TNFSF4: variants seen among roughly 807,000 people sequenced by gnomAD.
TNFSF4 encodes TNF superfamily member 4, also known as tumor necrosis factor ligand superfamily member 4.
A neutral mutation model predicts 7.3 loss-of-function variants in TNFSF4; 4 were observed. The observed-to-expected ratio is 0.55, with a 90% CI of 0.27 to 1.25. The LOEUF (loss-of-function observed/expected upper bound fraction) is 1.25. Ranked by LOEUF, TNFSF4 falls within the 50% of genes most tolerant of loss-of-function variation. The pLI, the probability that TNFSF4 is intolerant of heterozygous loss-of-function variation, is 0.12. For missense variants in TNFSF4, 181 were observed against 208.8 expected (o/e 0.87, Z 0.82); for synonymous variants, 76 against 83.7 (o/e 0.91, Z 0.50).
chr1:173,379,898 G>A, the TNFSF4 span, among the ~76,000 whole-genome samples: 1 of 152,310 alleles, frequency 6.6e-6, no homozygotes, highest in Non-Finnish European at 1.5e-5. Context: ...AAGATGCACT[G>A]CCCCAGACTG....
At chr1:173,422,987 T>A in the TNFSF4 span, among the ~76,000 whole-genome samples, 15 of 140,266 alleles carry the variant, frequency 1.1e-4, no homozygotes, top group Admixed American at 2.2e-4. Flanking sequence ...TTTTTTTTTT[T>A]AGACAGAGTC....
At chr1:173,433,666 G>C in the TNFSF4 span, among the ~76,000 whole-genome samples, 1 of 151,914 alleles carries the variant, frequency 6.6e-6, no homozygotes, top group African/African-American at 2.4e-5. Context: ...TCATGCCTCT[G>C]CACCCCAGCC....
the TNFSF4 span, among the ~76,000 whole-genome samples, chr1:173,335,980 G>A: frequency 2.0e-5 from 3 of 152,122 alleles, no homozygotes; most frequent in African/African-American, 7.2e-5. Flanking sequence ...CCACAGTGTG[G>A]GCTTATGAAG....
At chr1:173,267,232 T>C in the TNFSF4 span, among the ~76,000 whole-genome samples, 1 of 152,160 alleles carries the variant, frequency 6.6e-6, no homozygotes, top group African/African-American at 2.4e-5. Context: ...TCTGCAAACA[T>C]AGTGAGTATC....
rs368181041 is a variant in TNFSF4 at position 173,186,582 on chromosome 1, G to A, written c.486C>T (p.Asp162=). Residue 162 remains aspartate, a synonymous_variant, in exon 3 of 3, where the codon GAC becomes GAT. Transcript: ENST00000281834. ...NVTTDNTSLD[D]FHVNGGELIL... is the part of the protein sequence containing the mutation. The stretch of plus-strand genomic sequence containing the variant: ...TCAGTTCTCCGCCATTCACATGGAA[G>A]TCATCCAGGGAGGTATTGTCAGTGG... 6.2e-7 allele frequency: 1 copy of A among 1,614,170 alleles called. No individual in the cohort carries two copies. The highest frequency in any genetic ancestry group is 1.1e-5 in the South Asian group (1 of 91,074).
the TNFSF4 span, among the ~76,000 whole-genome samples, chr1:173,229,975 A>T: frequency 3.3e-5 from 5 of 152,124 alleles, no homozygotes; most frequent in African/African-American, 9.7e-5. Flanking sequence ...CTCCCAAACA[A>T]TAATAATGGG....
At chr1:173,392,286 G>A in the TNFSF4 span, among the ~76,000 whole-genome samples, 2 of 152,138 alleles carry the variant, frequency 1.3e-5, no homozygotes, top group African/African-American at 4.8e-5. Flanking sequence ...ATTTCCAAAT[G>A]TTAATAAATG....
the TNFSF4 span, among the ~76,000 whole-genome samples, chr1:173,338,335 T>G: frequency 6.6e-6 from 1 of 152,224 alleles, no homozygotes; most frequent in Non-Finnish European, 1.5e-5. Context: ...ACTTACAGAA[T>G]GCCTTATCCA....
At chr1:173,329,615 A>C in the TNFSF4 span, among the ~76,000 whole-genome samples, 1 of 152,154 alleles carries the variant, frequency 6.6e-6, no homozygotes, top group Admixed American at 6.5e-5. Flanking sequence ...TTTTCACCTC[A>C]TATACAAGTG....
chr1:173,397,635 T>C, the TNFSF4 span, among the ~76,000 whole-genome samples: 4 of 152,192 alleles, frequency 2.6e-5, no homozygotes, highest in South Asian at 6.2e-4. Context: ...TTGAAACAGA[T>C]ATAGTCAGTA....
chr1:173,375,151 T>G, the TNFSF4 span, among the ~76,000 whole-genome samples: 1 of 152,190 alleles, frequency 6.6e-6, no homozygotes, highest in African/African-American at 2.4e-5. Flanking sequence ...ATCCTGTATT[T>G]TTAGCCTCCT....
the TNFSF4 span, among the ~76,000 whole-genome samples, chr1:173,447,694 T>C: frequency 2.0e-5 from 3 of 151,882 alleles, no homozygotes; most frequent in Non-Finnish European, 2.9e-5. Context: ...TCAGCAAACA[T>C]AGTGAGACAT....
chr1:173,217,366 C>G, the TNFSF4 span, among the ~76,000 whole-genome samples: 1 of 152,170 alleles, frequency 6.6e-6, no homozygotes, highest in Non-Finnish European at 1.5e-5. Context: ...ATTTTTGACA[C>G]TCTGGGCAAA....
At chr1:173,228,888 T>C in the TNFSF4 span, among the ~76,000 whole-genome samples, 6 of 151,080 alleles carry the variant, frequency 4.0e-5, no homozygotes, top group African/African-American at 1.5e-4. Flanking sequence ...GAAAAAAGAG[T>C]AAAAAGAAAT....
At chr1:173,355,680 C>A in the TNFSF4 span, among the ~76,000 whole-genome samples, 6 of 152,300 alleles carry the variant, frequency 3.9e-5, no homozygotes, top group African/African-American at 1.4e-4. Flanking sequence ...CTTTGACCTA[C>A]AACAAGTTAG....
chr1:173,173,090 T>C, the TNFSF4 span, among the ~76,000 whole-genome samples: 4 of 152,188 alleles, frequency 2.6e-5, no homozygotes, highest in African/African-American at 7.2e-5. Context: ...ACTACCCCCA[T>C]GATCTAATCA....
chr1:173,362,823 T>G, the TNFSF4 span: 1 of 435,742 alleles, frequency 2.3e-6, no homozygotes, highest in Admixed American at 2.8e-5. Context: ...TTAGATGCAA[T>G]GCAAGACAAG....
At chr1:173,339,793 A>C in the TNFSF4 span, among the ~76,000 whole-genome samples, 1 of 152,150 alleles carries the variant, frequency 6.6e-6, no homozygotes, top group African/African-American at 2.4e-5. Flanking sequence ...TTAGGGCAAA[A>C]TATGACTTTG....
the TNFSF4 span, among the ~76,000 whole-genome samples, chr1:173,266,270 G>T: frequency 2.0e-5 from 3 of 152,066 alleles, no homozygotes. Flanking sequence ...AACAGCTTTT[G>T]CAAACATACA....
Sources: allele counts gnomAD v4.1 joint callset (sites outside exome capture counted in the v4.1 genomes callset), GRCh38; gene constraint gnomAD v4.1.1; transcripts MANE v1.5; gene names NCBI Gene and HGNC (gene_info 2026-07-23, HGNC 2026-07-21).